PPP2R2B: variants seen among roughly 807,000 people sequenced by gnomAD.
PPP2R2B encodes serine/threonine-protein phosphatase 2A 55 kDa regulatory subunit B beta isoform.
Under a neutral mutation model 46.0 loss-of-function variants are expected in PPP2R2B, and 5 were observed. The ratio of observed to expected loss-of-function variants is 0.11; its 90% confidence interval spans 0.06 to 0.23. PPP2R2B has a LOEUF of 0.23. PPP2R2B is among the 10% of genes least tolerant of loss of function. PPP2R2B has a pLI of 1.00. For missense variants in PPP2R2B, 367 were observed against 575.0 expected (o/e 0.64, Z 3.70); for synonymous variants, 215 against 206.7 (o/e 1.04, Z -0.34).
chr5:146,926,579 G>A (rs1763789979), intron 1 of PPP2R2B, among the ~76,000 whole-genome samples: 1 of 151,970 alleles, frequency 6.6e-6, no homozygotes, highest in Non-Finnish European at 1.5e-5. Flanking sequence ...GGTTGCTCCT[G>A]TGTCTGTATA....
chr5:146,661,298 C>T (rs1776651022), intron 5 of PPP2R2B, among the ~76,000 whole-genome samples: 1 of 152,022 alleles, frequency 6.6e-6, no homozygotes, highest in South Asian at 2.1e-4. Flanking sequence ...GCTGAAAAAC[C>T]CAAGTCTTAA....
intron 2 of PPP2R2B, among the ~76,000 whole-genome samples, chr5:146,715,905 G>A (rs9325023): frequency 0.048 from 7,349 of 152,210 alleles, 608 homozygotes; most frequent in African/African-American, 0.17. Flanking sequence ...TCTGGGCTCA[G>A]TCTTCACTTT....
intron 4 of PPP2R2B, among the ~76,000 whole-genome samples, chr5:146,693,365 C>T (rs927120546): frequency 1.4e-4 from 21 of 152,180 alleles, no homozygotes. Flanking sequence ...TAGTCACATG[C>T]CACCACGCCC....
rs888805629 is a variant in PPP2R2B, at chr5:147,077,259, T to C, written c.50+3800A>G. On this transcript the variant is annotated intron_variant, in intron 2 of 10. Coordinates refer to the PPP2R2B transcript ENST00000394413. ...ATAATATATACATATACGTTATACA[T>C]ATATGTATGTGTGTATACACACACA... Among the ~76,000 whole-genome samples, 138 of 136,024 alleles carry C rather than the reference T, an allele frequency of 1.0e-3. 1 individual carries two copies. The highest frequency in any genetic ancestry group is 3.7e-3 in the African/African-American group (134 of 36,080). The allele number at this position is 136,024 out of a possible 152,430, so 89.2% of individuals were successfully genotyped here.
intron 2 of PPP2R2B, among the ~76,000 whole-genome samples, chr5:146,768,917 C>G (rs568238819): frequency 6.6e-6 from 1 of 150,620 alleles, no homozygotes; most frequent in Non-Finnish European, 1.5e-5. Context: ...CAGTCTCTCA[C>G]TCTGCCTCTC....
chr5:146,778,543 T>A (rs974307654), intron 2 of PPP2R2B, among the ~76,000 whole-genome samples: 1 of 152,198 alleles, frequency 6.6e-6, no homozygotes, highest in African/African-American at 2.4e-5. Flanking sequence ...TCCTAGGGAC[T>A]GTGTCTTATT....
chr5:146,867,377 G>T (rs1324131307), intron 2 of PPP2R2B, among the ~76,000 whole-genome samples: 1 of 152,076 alleles, frequency 6.6e-6, no homozygotes, highest in African/African-American at 2.4e-5. Context: ...TCTTCATCGG[G>T]CCTTTCATTG....
At chr5:146,638,057 A>G (rs1774939519) in intron 7 of PPP2R2B, among the ~76,000 whole-genome samples, 194 bp downstream of exon 7, 1 of 118,630 alleles carries the variant, frequency 8.4e-6, no homozygotes, top group African/African-American at 4.9e-5. Context: ...ATTTATTTTC[A>G]TCTCTGGATG....
At chr5:146,934,513 A>G (rs1764075307) in intron 1 of PPP2R2B, among the ~76,000 whole-genome samples, 1 of 140,240 alleles carries the variant, frequency 7.1e-6, no homozygotes, top group South Asian at 2.3e-4. Context: ...TCCTTCGCCC[A>G]CTTTTTGATG....
At chr5:146,600,196 A>G (rs1581683766) in intron 8 of PPP2R2B, 95 bp downstream of exon 8, 1 of 1,355,324 alleles carries the variant, frequency 7.4e-7, no homozygotes, top group Non-Finnish European at 1.0e-6. Flanking sequence ...ATTGCCTTCC[A>G]TTTTGCTGCA....
Position 146,666,922 on chromosome 5 carries a change from C to G in PPP2R2B, c.448-16198G>C, listed in dbSNP as rs190112271. 2.0e-5 allele frequency among the ~76,000 whole-genome samples: 3 copies of G among 152,248 alleles called. No individual in the cohort carries two copies. The East Asian group carries it at 5.8e-4, about 29-fold the overall frequency. Reference sequence around the variant, plus strand: ...TATACCAAGTTGAATCTATTCTATACTATTTGACTGTTTTGAACTTGAATG... The same window carrying G: ...TATACCAAGTTGAATCTATTCTATAGTATTTGACTGTTTTGAACTTGAATG... On this transcript the variant is annotated intron_variant, in intron 5 of 9. Coordinates refer to ENST00000394411, the MANE Select transcript of PPP2R2B (RefSeq NM_181675.4).
At chr5:147,028,600 A>G (rs573002599) in intron 1 of PPP2R2B, among the ~76,000 whole-genome samples, 1 of 152,184 alleles carries the variant, frequency 6.6e-6, no homozygotes, top group East Asian at 1.9e-4. Flanking sequence ...ATGGACTTTG[A>G]GTTGTTTTCA....
chr5:146,687,793 C>T (rs773387958), intron 5 of PPP2R2B, among the ~76,000 whole-genome samples: 4 of 152,048 alleles, frequency 2.6e-5, no homozygotes, highest in Admixed American at 2.0e-4. Flanking sequence ...AGTCTCTCAG[C>T]GCTGAAACAG....
chr5:146,959,961 G>C (rs1208057783), intron 1 of PPP2R2B, among the ~76,000 whole-genome samples: 1 of 152,190 alleles, frequency 6.6e-6, no homozygotes, highest in Non-Finnish European at 1.5e-5. Context: ...ACCTGACTCT[G>C]AAAGCCATGG....
At chr5:147,035,421 T>C (rs557080521) in intron 1 of PPP2R2B, among the ~76,000 whole-genome samples, 10 of 152,172 alleles carry the variant, frequency 6.6e-5, no homozygotes, top group African/African-American at 2.2e-4. Context: ...TGACATGAGA[T>C]TTGGGTGGGG....
chr5:146,669,609 G>A (rs183983521), intron 5 of PPP2R2B, among the ~76,000 whole-genome samples: 1 of 152,148 alleles, frequency 6.6e-6, no homozygotes, highest in Non-Finnish European at 1.5e-5. Flanking sequence ...TTTATGGGGC[G>A]ACTTTGGAAC....
chr5:147,032,385 G>C (rs1755827621), intron 1 of PPP2R2B, among the ~76,000 whole-genome samples: 1 of 152,122 alleles, frequency 6.6e-6, no homozygotes, highest in Non-Finnish European at 1.5e-5. Flanking sequence ...CTGGAACAGA[G>C]GTGTGTCTAT....
At chr5:146,668,889 A>G (rs463775) in intron 5 of PPP2R2B, among the ~76,000 whole-genome samples, 143,209 of 152,274 alleles carry the variant, frequency 0.94, 67,698 homozygotes, top group East Asian at 1. Flanking sequence ...TGGCATGGAC[A>G]GAGGTTATTG....
chr5:146,989,701 C>T (rs562745290), intron 1 of PPP2R2B, among the ~76,000 whole-genome samples: 1 of 152,066 alleles, frequency 6.6e-6, no homozygotes, highest in East Asian at 1.9e-4. Context: ...ACAAGAATAC[C>T]CACGTTTACC....
Sources: allele counts gnomAD v4.1 joint callset (sites outside exome capture counted in the v4.1 genomes callset), GRCh38; gene constraint gnomAD v4.1.1; transcripts MANE v1.5; gene names NCBI Gene and HGNC (gene_info 2026-07-23, HGNC 2026-07-21).